The following ETS1 variants were observed in gnomAD, a reference collection of about 807,000 sequenced individuals.
ETS1 encodes protein C-ets-1.
ETS1 carries 15 observed loss-of-function variants against 58.6 expected under a neutral mutation model. The ratio of observed to expected loss-of-function variants is 0.26; its 90% CI spans 0.17 to 0.39. The LOEUF (loss-of-function observed/expected upper bound fraction) is 0.39, where lower values mean the gene tolerates loss of function less well. ETS1 is among the 10% of genes least tolerant of loss of function. ETS1 has a pLI of 1.00. For synonymous variants in ETS1, 214 were observed against 218.2 expected (o/e 0.98, Z 0.17); for missense variants, 417 against 610.5 (o/e 0.68, Z 3.34).
intron 3 of ETS1, among the ~76,000 whole-genome samples, chr11:128,553,865 G>C (rs1222723398): frequency 6.6e-6 from 1 of 152,144 alleles, no homozygotes; most frequent in Non-Finnish European, 1.5e-5. Flanking sequence ...AACGTGAAGG[G>C]GGAGCAGTGG....
intron 1 of ETS1, among the ~76,000 whole-genome samples, chr11:128,580,657 C>A (rs1482153856): frequency 6.6e-6 from 1 of 152,178 alleles, no homozygotes; most frequent in East Asian, 1.9e-4. Flanking sequence ...TTTTAAGTAG[C>A]CAGCACTGAC....
intron 2 of ETS1, among the ~76,000 whole-genome samples, chr11:128,561,023 G>C (rs1017085962): frequency 6.6e-6 from 1 of 152,188 alleles, no homozygotes; most frequent in East Asian, 1.9e-4. Flanking sequence ...AGCTATGTAA[G>C]GAGGAATAAG....
intron 1 of ETS1, among the ~76,000 whole-genome samples, chr11:128,586,400 A>G (rs905966859): frequency 3.3e-5 from 5 of 150,500 alleles, no homozygotes; most frequent in Admixed American, 2.0e-4. Context: ...CCTTGTGCAC[A>G]GCCCACGGCC....
intron 3 of ETS1, among the ~76,000 whole-genome samples, chr11:128,518,162 ACT>A (rs1267185444): frequency 6.6e-6 from 1 of 152,026 alleles, no homozygotes; most frequent in African/African-American, 2.4e-5. Context: ...ACTTCAAGAC[ACT>A]CTCTGAAAGT....
At chr11:128,472,887 C>T (rs1862224741) in intron 8 of ETS1, among the ~76,000 whole-genome samples, 1 of 152,160 alleles carries the variant, frequency 6.6e-6, no homozygotes, top group Non-Finnish European at 1.5e-5. Flanking sequence ...AAACATCTTG[C>T]ACATCTAATC....
intron 1 of ETS1, among the ~76,000 whole-genome samples, chr11:128,576,740 T>A (rs1223107467): frequency 6.7e-6 from 1 of 149,670 alleles, no homozygotes; most frequent in Non-Finnish European, 1.5e-5. Flanking sequence ...CACCCTCCAC[T>A]GCAACATGGA....
At chr11:128,569,331 T>TTTTTTTTTTTTG in intron 2 of ETS1, among the ~76,000 whole-genome samples, 1 of 121,518 alleles carries the variant, frequency 8.2e-6, no homozygotes, top group Non-Finnish European at 1.8e-5. Context: ...TTTTTTTTTT[T>TTTTTTTTTTTTG]TTTTTTTTTT....
At chr11:128,501,252 A>G (rs1863082349) in intron 3 of ETS1, among the ~76,000 whole-genome samples, 1 of 152,162 alleles carries the variant, frequency 6.6e-6, no homozygotes, top group Non-Finnish European at 1.5e-5. Flanking sequence ...ATAGGTGAAC[A>G]TCGTGCTTCT....
chr11:128,566,606 AC>A lies in ETS1; in HGVS notation c.69+6455del, dbSNP rs372656508. On this transcript the variant is annotated intron_variant, in intron 2 of 9. Coordinates refer to ENST00000392668, the MANE Select transcript of ETS1 (RefSeq NM_001143820.2). The stretch of plus-strand genomic sequence containing the variant: ...AGACCATCCTGGCTAACACAGTGAA[AC>A]CCCGTCTCTACTAAAAATACAAAAA... 9.5e-3 allele frequency among the ~76,000 whole-genome samples: 1,438 copies of A among 152,142 alleles called. 12 individuals are homozygous for A. Among genetic ancestry groups the A allele is most frequent in the South Asian group, 0.047 (227 of 4,816 alleles).
intron 1 of ETS1, among the ~76,000 whole-genome samples, chr11:128,586,737 G>A (rs1485576536): frequency 1.3e-5 from 2 of 152,166 alleles, no homozygotes; most frequent in Admixed American, 6.5e-5. Flanking sequence ...TTTAAAAGTT[G>A]GTAACAGAGA....
At chr11:128,482,798 G>C (rs915842866) in intron 7 of ETS1, among the ~76,000 whole-genome samples, 5 of 152,128 alleles carry the variant, frequency 3.3e-5, no homozygotes, top group African/African-American at 1.2e-4. Flanking sequence ...TTTCTGAGAA[G>C]GGCCTCGGCG....
chr11:128,475,882 TTGTGTG>T (rs61450075), intron 8 of ETS1, among the ~76,000 whole-genome samples: 2 of 149,792 alleles, frequency 1.3e-5, no homozygotes, highest in African/African-American at 4.9e-5. Context: ...ACTAGTACCT[TTGTGTG>T]TGTGTGTGTG....
chr11:128,576,896 CA>C (rs1467840982), intron 1 of ETS1, among the ~76,000 whole-genome samples: 1 of 152,206 alleles, frequency 6.6e-6, no homozygotes, highest in African/African-American at 2.4e-5. Context: ...GAGGTTATTG[CA>C]GCCTGGAATC....
At chr11:128,575,957 C>T (rs959610771) in intron 1 of ETS1, among the ~76,000 whole-genome samples, 3 of 152,232 alleles carry the variant, frequency 2.0e-5, no homozygotes, top group African/African-American at 4.8e-5. Flanking sequence ...AACACTCCCC[C>T]TCATAGCAAC....
rs536397231 is a variant in ETS1 at position 128,580,538 on chromosome 11, G to A, written c.-15+6950C>T. ...GTTACAACGCATAGAAAAGAAAAAGGATTAGAAGAACTGAAGATGGTTTTT... is the reference window on the plus strand; with the variant it reads ...GTTACAACGCATAGAAAAGAAAAAGAATTAGAAGAACTGAAGATGGTTTTT... On this transcript the variant is annotated intron_variant, in intron 1 of 9. Transcript: ENST00000392668. Among the ~76,000 whole-genome samples, 8 of 152,292 alleles carry A rather than the reference G, an allele frequency of 5.3e-5. No homozygotes were observed. In the South Asian group the frequency reaches 1.2e-3, roughly 24 times the overall value.
At chr11:128,555,707 A>C (rs549555963) in intron 3 of ETS1, among the ~76,000 whole-genome samples, 11 of 152,136 alleles carry the variant, frequency 7.2e-5, no homozygotes, top group Non-Finnish European at 1.5e-4. Flanking sequence ...AACAGCATGG[A>C]GATGAGGACT....
At chr11:128,584,991 G>GAAAGGAAAGAAAGA (rs1229787802) in intron 1 of ETS1, among the ~76,000 whole-genome samples, 2 of 11,810 alleles carry the variant, frequency 1.7e-4, no homozygotes, top group Non-Finnish European at 1.7e-4. Context: ...AGAAAGAAAG[G>GAAAGGAAAGAAAGA]AAGGAAGGAA....
rs117920066 is a variant in ETS1 at position 128,556,796 on chromosome 11, G to A, written c.70-361C>T. Among the ~76,000 whole-genome samples, 70 of 152,044 alleles carry A rather than the reference G, an allele frequency of 4.6e-4. No individual in the cohort carries two copies. The East Asian group carries it at 0.013, about 29-fold the overall frequency. On this transcript the variant is annotated intron_variant, in intron 2 of 9. Coordinates refer to ENST00000392668, the MANE Select transcript of ETS1 (RefSeq NM_001143820.2). ...TAATGGTACCTTACTCTGTAAAAAC[G>A]TCATGAAAGGATATTCTTACAAGGC...
intron 4 of ETS1, among the ~76,000 whole-genome samples, chr11:128,489,918 G>A (rs940105775): frequency 5.3e-5 from 8 of 152,054 alleles, no homozygotes; most frequent in Non-Finnish European, 8.8e-5. Flanking sequence ...TATTATTCTC[G>A]ATTATTTTTT....
Sources: allele counts gnomAD v4.1 joint callset (sites outside exome capture counted in the v4.1 genomes callset), GRCh38; gene constraint gnomAD v4.1.1; transcripts MANE v1.5; gene names NCBI Gene and HGNC (gene_info 2026-07-23, HGNC 2026-07-21).